PCDHA2: variants seen among roughly 807,000 people sequenced by gnomAD.
PCDHA2 encodes protocadherin alpha 2.
Under a neutral mutation model 66.0 loss-of-function variants are expected in PCDHA2, and 58 were observed. That is an observed-to-expected ratio of 0.88 (90% CI 0.71 to 1.09). PCDHA2 has a LOEUF of 1.09. Ranked by LOEUF, PCDHA2 falls within the 50% of genes least tolerant of loss-of-function variation. The pLI, the probability that PCDHA2 is intolerant of heterozygous loss-of-function variation, is 0.00. For missense variants in PCDHA2, 1,267 were observed against 1,242.3 expected (o/e 1.02, Z -0.30); for synonymous variants, 634 against 554.0 (o/e 1.14, Z -2.03).
intron 1 of PCDHA2, chr5:140,927,033 G>A (rs2083768533): frequency 1.2e-6 from 2 of 1,612,344 alleles, no homozygotes; most frequent in Non-Finnish European, 1.7e-6. Flanking sequence ...GGCTGCCAGC[G>A]GCCGCTATGT....
intron 1 of PCDHA2, chr5:140,836,407 C>A: frequency 6.2e-7 from 1 of 1,613,770 alleles, no homozygotes; most frequent in Non-Finnish European, 8.5e-7. Context: ...AGCGGCCAGG[C>A]ACCAAAGGCG....
At chr5:140,883,329 C>T (rs1554177701) in intron 1 of PCDHA2, 1 of 1,614,166 alleles carries the variant, frequency 6.2e-7, no homozygotes. Context: ...ACCATCACTT[C>T]TTTGTCACTC....
intron 1 of PCDHA2, among the ~76,000 whole-genome samples, chr5:140,976,765 C>T (rs1483381591): frequency 6.6e-6 from 1 of 152,172 alleles, no homozygotes; most frequent in Non-Finnish European, 1.5e-5. Context: ...CAGAAGCCTG[C>T]TAGACTCTGA....
At chr5:140,870,385 G>C (rs548890657) in intron 1 of PCDHA2, 2 of 1,614,240 alleles carry the variant, frequency 1.2e-6, no homozygotes, top group African/African-American at 2.7e-5. Context: ...GACTGCGCGG[G>C]ATGGGGGTTC....
chr5:140,876,515 C>G (rs782705478), intron 1 of PCDHA2: 4 of 1,613,960 alleles, frequency 2.5e-6, no homozygotes, highest in Non-Finnish European at 3.4e-6. Flanking sequence ...GACAATGTCC[C>G]TGAAGTAATG....
At chr5:140,927,153 C>T in intron 1 of PCDHA2, 1 of 1,614,190 alleles carries the variant, frequency 6.2e-7, no homozygotes, top group Non-Finnish European at 8.5e-7. Context: ...AACAGCTGTG[C>T]AGGGCCAAAG....
rs2150129886 is a variant in PCDHA2 at position 140,823,868 on chromosome 5, A to T, written c.2388+26516A>T. On this transcript the variant is annotated intron_variant, in intron 1 of 3. Coordinates refer to ENST00000526136, the MANE Select transcript of PCDHA2 (RefSeq NM_018905.3). ...GCTGCCCTGGTGGATGTCAACGTGTACCTGATCATCGCCATCTGTGCGGTG... is the reference window on the plus strand; with the variant it reads ...GCTGCCCTGGTGGATGTCAACGTGTTCCTGATCATCGCCATCTGTGCGGTG... 1.9e-6 allele frequency: 3 copies of T among 1,613,710 alleles called. No individual in the cohort carries two copies. The African/African-American group carries it at 4.0e-5, about 22-fold the overall frequency.
chr5:140,830,320 CG>C, intron 1 of PCDHA2: 1 of 1,613,990 alleles, frequency 6.2e-7, no homozygotes, highest in Non-Finnish European at 8.5e-7. Flanking sequence ...TGTGCTCCAG[CG>C]CAGTGGGGAG....
At chr5:141,007,933 A>T (rs1168610845) in intron 3 of PCDHA2, among the ~76,000 whole-genome samples, 1 of 152,212 alleles carries the variant, frequency 6.6e-6, no homozygotes, top group African/African-American at 2.4e-5. Context: ...TGGAATTCTA[A>T]GCCACCTTTT....
At chr5:140,920,381 A>G (rs887594411) in intron 1 of PCDHA2, among the ~76,000 whole-genome samples, 1 of 152,164 alleles carries the variant, frequency 6.6e-6, no homozygotes, top group Non-Finnish European at 1.5e-5. Flanking sequence ...GTGGATTCAT[A>G]TTACCATCTG....
At chr5:140,955,241 A>T (rs1554221829) in intron 1 of PCDHA2, among the ~76,000 whole-genome samples, 1 of 152,114 alleles carries the variant, frequency 6.6e-6, no homozygotes, top group East Asian at 1.9e-4. Context: ...TTTGCTTAGG[A>T]TCGGCTTGGC....
intron 1 of PCDHA2, chr5:140,851,486 C>A (rs2042075619): frequency 1.1e-6 from 1 of 886,576 alleles, no homozygotes; most frequent in Middle Eastern, 5.8e-4. Context: ...ATAAACACAG[C>A]CTTCATTTCA....
At chr5:140,836,282 G>A in intron 1 of PCDHA2, 2 of 1,613,808 alleles carry the variant, frequency 1.2e-6, no homozygotes, top group Non-Finnish European at 1.7e-6. Context: ...AGATCAGCAC[G>A]ACACGAGCCC....
chr5:140,849,984 C>T (rs2150461471), intron 1 of PCDHA2: 2 of 1,597,296 alleles, frequency 1.3e-6, no homozygotes, highest in Non-Finnish European at 1.7e-6. Flanking sequence ...GCTGGTGGAG[C>T]GGCGGTTGGG....
chr5:140,850,570 C>T (rs2041682999), intron 1 of PCDHA2: 2 of 1,598,372 alleles, frequency 1.3e-6, no homozygotes, highest in Non-Finnish European at 8.6e-7. Context: ...CCCGAGGTGA[C>T]GCTGGTGGAT....
At position 140,856,702 on chromosome 5, in the gene PCDHA2, A is replaced by G. The variant is rs782234318; in HGVS notation, c.2388+59350A>G. The stretch of plus-strand genomic sequence containing the variant: ...TGTTGACAGCAACTGATGGAGGCAA[A>G]CCTGAATTTACCGGATCTGTTTCTC... On this transcript the variant is annotated intron_variant, in intron 1 of 3. Transcript: ENST00000526136. The G allele has an allele frequency of 1.7e-5, 27 of 1,596,504 alleles. 5 individuals are homozygous for G. Among genetic ancestry groups the G allele is most frequent in the Middle Eastern group, 3.3e-4 (2 of 6,020 alleles).
intron 1 of PCDHA2, among the ~76,000 whole-genome samples, chr5:140,798,320 A>G (rs983349949): frequency 3.3e-5 from 5 of 152,228 alleles, no homozygotes; most frequent in African/African-American, 1.2e-4. Flanking sequence ...ATAACCCATT[A>G]TTTGGTATAA....
intron 1 of PCDHA2, among the ~76,000 whole-genome samples, chr5:140,925,706 T>C (rs371734955): frequency 2.0e-5 from 3 of 151,422 alleles, no homozygotes; most frequent in Admixed American, 6.6e-5. Context: ...AGCCTATTCT[T>C]ATCCTGCCTC....
chr5:140,987,043 A>G (rs1406153632), intron 3 of PCDHA2, among the ~76,000 whole-genome samples: 5 of 151,912 alleles, frequency 3.3e-5, no homozygotes, highest in Non-Finnish European at 7.4e-5. Flanking sequence ...GCGAAACCCC[A>G]TCTCTACTAA....
Sources: allele counts gnomAD v4.1 joint callset (sites outside exome capture counted in the v4.1 genomes callset), GRCh38; gene constraint gnomAD v4.1.1; transcripts MANE v1.5; gene names NCBI Gene and HGNC (gene_info 2026-07-23, HGNC 2026-07-21).